The following LRFN5 variants were observed in gnomAD, a reference collection of about 807,000 sequenced individuals.
LRFN5 encodes leucine rich repeat and fibronectin type III domain containing 5.
LRFN5 carries 24 observed loss-of-function variants against 45.6 expected under a neutral mutation model. The ratio of observed to expected loss-of-function variants is 0.53; its 90% CI spans 0.38 to 0.74. The LOEUF is 0.74. Among genes scored for constraint, LRFN5 ranks in the 30% least tolerant of loss-of-function variants. The pLI, the probability that LRFN5 is intolerant of heterozygous loss-of-function variation, is 0.00. For synonymous variants in LRFN5, 340 were observed against 313.8 expected (o/e 1.08, Z -0.88); for missense variants, 776 against 861.5 (o/e 0.90, Z 1.24).
At chr14:41,704,834 C>T (rs1335225349) in intron 1 of LRFN5, among the ~76,000 whole-genome samples, 2 of 151,756 alleles carry the variant, frequency 1.3e-5, no homozygotes, top group African/African-American at 4.8e-5. Context: ...AAAGAAGAAA[C>T]CTATTATGTT....
chr14:41,611,924 C>T (rs899140282), intron 1 of LRFN5, among the ~76,000 whole-genome samples: 8 of 152,134 alleles, frequency 5.3e-5, no homozygotes, highest in Admixed American at 1.3e-4. Context: ...TTTTTGTCTC[C>T]TCTGTCATTA....
chr14:41,636,595 C>T (rs1052882033), intron 1 of LRFN5, among the ~76,000 whole-genome samples: 4 of 151,692 alleles, frequency 2.6e-5, no homozygotes, highest in African/African-American at 4.8e-5. Context: ...GCATATGTAC[C>T]CTAGAACTTA....
At chr14:41,740,180 C>G (rs1884630715) in intron 1 of LRFN5, among the ~76,000 whole-genome samples, 1 of 151,940 alleles carries the variant, frequency 6.6e-6, no homozygotes, top group Admixed American at 6.6e-5. Flanking sequence ...GGGAATACTT[C>G]AAAATTTATT....
chr14:41,900,883 T>G (rs986604424), intron 5 of LRFN5, among the ~76,000 whole-genome samples: 2 of 152,156 alleles, frequency 1.3e-5, no homozygotes, highest in Non-Finnish European at 2.9e-5. Flanking sequence ...AGTGTGTGAA[T>G]GAACAGAGGT....
chr14:41,887,318 T>G lies in LRFN5; in HGVS notation c.693T>G (p.Ser231=). The G allele has an allele frequency of 6.2e-7, 1 of 1,614,240 alleles. No individual in the cohort carries two copies. The highest frequency in any genetic ancestry group is 8.5e-7 in the Non-Finnish European group (1 of 1,180,046). The change falls in exon 3 of 6, where the codon TCT becomes TCG. Residue 231 remains serine, a synonymous_variant. Coordinates refer to ENST00000298119, the MANE Select transcript of LRFN5 (RefSeq NM_152447.5). The surrounding 1 kb of genome is among the most constrained non-coding windows in gnomAD (Gnocchi z 4.8). ...CAACCTCAGGAATCATAAGCCCATC[T>G]ACTTTTGCATTAAGTTTTGGTGGAA... ...VLATSGIISP[S]TFALSFGGNP... is the part of the protein sequence containing the mutation.
At chr14:41,801,047 T>C (rs1215877128) in intron 2 of LRFN5, among the ~76,000 whole-genome samples, 1 of 151,972 alleles carries the variant, frequency 6.6e-6, no homozygotes, top group Non-Finnish European at 1.5e-5. Context: ...TATCACACTA[T>C]ATCTAACAAT....
rs112554029 is a variant in LRFN5, at chr14:41,818,606, C to T, written c.-21+51577C>T. Among the ~76,000 whole-genome samples the T allele has an allele frequency of 9.7e-3, 1,478 of 152,042 alleles. 26 individuals are homozygous for T. Among genetic ancestry groups the T allele is most frequent in the African/African-American group, 0.034 (1,411 of 41,494 alleles). ...CTTAAGTAGTATGTGGGCTAATTGG[C>T]TATATTCTTGTGATCTTTCAAGTTT... On this transcript the variant is annotated intron_variant, in intron 2 of 5. Coordinates refer to ENST00000298119, the MANE Select transcript of LRFN5 (RefSeq NM_152447.5).
intron 1 of LRFN5, among the ~76,000 whole-genome samples, chr14:41,647,665 G>A (rs1360162503): frequency 6.6e-6 from 1 of 152,166 alleles, no homozygotes; most frequent in East Asian, 1.9e-4. Context: ...GGAGGATAAA[G>A]TGTTCAGGTT....
chr14:41,634,991 T>A (rs1030797757), intron 1 of LRFN5, among the ~76,000 whole-genome samples: 3 of 152,258 alleles, frequency 2.0e-5, no homozygotes, highest in Admixed American at 6.5e-5. Context: ...TGCTGTTTTT[T>A]AAAATTTTCT....
At chr14:41,889,484 A>G (rs1282421381) in intron 3 of LRFN5, among the ~76,000 whole-genome samples, 1 of 152,158 alleles carries the variant, frequency 6.6e-6, no homozygotes, top group Non-Finnish European at 1.5e-5. Flanking sequence ...GACTACTGTC[A>G]ATGACAAATA....
At chr14:41,684,266 C>T (rs564734222) in intron 1 of LRFN5, among the ~76,000 whole-genome samples, 1 of 152,242 alleles carries the variant, frequency 6.6e-6, no homozygotes. Context: ...CTATCTCTTG[C>T]TGTATTATTC....
intron 1 of LRFN5, among the ~76,000 whole-genome samples, chr14:41,618,352 T>C (rs536938886): frequency 4.6e-5 from 7 of 152,192 alleles, no homozygotes; most frequent in Non-Finnish European, 1.0e-4. Flanking sequence ...CAACAGGGAT[T>C]GCAGAGGTGA....
intron 1 of LRFN5, among the ~76,000 whole-genome samples, chr14:41,630,646 A>G (rs955574473): frequency 3.3e-5 from 5 of 152,060 alleles, no homozygotes; most frequent in African/African-American, 1.2e-4. Flanking sequence ...TGCACTATAT[A>G]CTTTTGAGAG....
chr14:41,840,486 A>T (rs1176040045), intron 2 of LRFN5, among the ~76,000 whole-genome samples: 8 of 152,094 alleles, frequency 5.3e-5, no homozygotes, highest in African/African-American at 1.9e-4. Context: ...TAGTATCATA[A>T]TATGCACAAA....
chr14:41,886,314 G>A (rs1323964563), intron 2 of LRFN5, among the ~76,000 whole-genome samples: 1 of 152,028 alleles, frequency 6.6e-6, no homozygotes, highest in African/African-American at 2.4e-5. Flanking sequence ...TTCACCCATG[G>A]AGTACCCTGG....
At chr14:41,739,385 A>AATCATCATCATCATCATCATCATC in intron 1 of LRFN5, among the ~76,000 whole-genome samples, 1 of 148,316 alleles carries the variant, frequency 6.7e-6, no homozygotes, top group Non-Finnish European at 1.5e-5. Context: ...ACATTGTGTC[A>AATCATCATCATCATCATCATCATC]ATCATCATCA....
intron 2 of LRFN5, among the ~76,000 whole-genome samples, chr14:41,864,278 A>C (rs1376432796): frequency 6.6e-6 from 1 of 151,924 alleles, no homozygotes; most frequent in Non-Finnish European, 1.5e-5. Flanking sequence ...ACTAATTTAC[A>C]CTCCCGCCAA....
At chr14:41,828,002 G>C (rs1326494555) in intron 2 of LRFN5, among the ~76,000 whole-genome samples, 1 of 151,950 alleles carries the variant, frequency 6.6e-6, no homozygotes, top group Non-Finnish European at 1.5e-5. Flanking sequence ...CCTTAATGTT[G>C]AGCATTTGGT....
chr14:41,619,738 C>T (rs1434115232), intron 1 of LRFN5, among the ~76,000 whole-genome samples: 3 of 151,786 alleles, frequency 2.0e-5, no homozygotes, highest in Admixed American at 2.0e-4. Flanking sequence ...TACATATACA[C>T]ATACACACTG....
Sources: gnomAD v4.1 joint callset for allele counts (sites outside exome capture counted in the v4.1 genomes callset) on GRCh38, gnomAD v4.1.1 for gene constraint, Gnocchi (gnomAD v3.1) non-coding constraint, MANE v1.5 for transcripts, NCBI Gene and HGNC (gene_info 2026-07-23, HGNC 2026-07-21) for gene names.